Variants in CNTNAP3B observed in about 807,000 individuals in gnomAD.
CNTNAP3B encodes contactin associated protein family member 3B.
CNTNAP3B carries 25 observed loss-of-function variants against 108.9 expected under a neutral mutation model. The observed-to-expected ratio is 0.23, with a 90% CI of 0.17 to 0.32. The LOEUF (loss-of-function observed/expected upper bound fraction) is 0.32, where lower values mean the gene tolerates loss of function less well. Among genes scored for constraint, CNTNAP3B ranks in the 10% least tolerant of loss-of-function variants. The pLI is 1.00. For missense variants in CNTNAP3B, 252 were observed against 1,210.4 expected (o/e 0.21, Z 11.75); for synonymous variants, 103 against 473.4 (o/e 0.22, Z 10.16).
At chr9:41,968,042 A>G (rs1449993303) in intron 10 of CNTNAP3B, among the ~76,000 whole-genome samples, 1 of 152,248 alleles carries the variant, frequency 6.6e-6, no homozygotes, top group East Asian at 1.9e-4. Context: ...TAAGGTTAAA[A>G]CAAAACAGCC....
At chr9:41,968,422 T>C (rs1825346531) in intron 10 of CNTNAP3B, among the ~76,000 whole-genome samples, 1 of 140,370 alleles carries the variant, frequency 7.1e-6, no homozygotes, top group African/African-American at 2.8e-5. Flanking sequence ...AGTGTGGTTC[T>C]GGAGCTGGTG....
At position 42,112,205 on chromosome 9, in the gene CNTNAP3B, G is replaced by C. The variant is rs775838142; in HGVS notation, c.86-7466C>G. Among the ~76,000 whole-genome samples, 177 of 140,148 alleles carry C rather than the reference G, an allele frequency of 1.3e-3. 30 individuals are homozygous for C. Among genetic ancestry groups the C allele is most frequent in the Non-Finnish European group, 2.3e-3 (152 of 65,150 alleles). 91.9% of individuals were successfully genotyped at this position (140,148 alleles called of 152,430 possible). On this transcript the variant is annotated intron_variant, in intron 1 of 23. Coordinates refer to ENST00000377561, the MANE Select transcript of CNTNAP3B (RefSeq NM_001201380.3). ...ACATTGCAGCCCCTGCTGTCTGCGA[G>C]TTCCCATCACTTATTATCTTCAGGG...
At chr9:41,916,126 A>G (rs1028575334) in intron 18 of CNTNAP3B, among the ~76,000 whole-genome samples, 7 of 146,784 alleles carry the variant, frequency 4.8e-5, no homozygotes, top group Non-Finnish European at 1.1e-4. Flanking sequence ...GACTTTGTCT[A>G]TAAACTCTCT....
In CNTNAP3B at chr9:42,030,748, T is replaced by C. The variant is rs866557980; in HGVS notation, c.391-17223A>G. ...CCCGGAGAAGGGAGTGAGAAAGAGA[T>C]ACAGAGAGAGAGAGAGAGAGAGAGA... On this transcript the variant is annotated intron_variant, in intron 3 of 23. Transcript: ENST00000377561. Among the ~76,000 whole-genome samples, 3 of 7,280 alleles carry C rather than the reference T, an allele frequency of 4.1e-4. No individual in the cohort carries two copies. The East Asian group carries it at 0.011, about 26-fold the overall frequency. 4.8% of individuals were successfully genotyped at this position (7,280 alleles called of 152,430 possible). A position where few individuals can be genotyped will look rare whatever the true frequency, so the allele number is the denominator to read the frequency against.
At chr9:41,922,004 T>G (rs1823682428) in intron 17 of CNTNAP3B, among the ~76,000 whole-genome samples, 1 of 146,222 alleles carries the variant, frequency 6.8e-6, no homozygotes, top group Non-Finnish European at 1.5e-5. Context: ...TCACTAATAG[T>G]GTTGATAAAA....
intron 13 of CNTNAP3B, among the ~76,000 whole-genome samples, chr9:41,944,562 T>G (rs1243138171): frequency 6.6e-6 from 1 of 152,212 alleles, no homozygotes; most frequent in Non-Finnish European, 1.5e-5. Context: ...CTAGGAGAAG[T>G]GAGGATATGG....
intron 1 of CNTNAP3B, among the ~76,000 whole-genome samples, chr9:42,119,574 A>G (rs1429958488): frequency 7.7e-6 from 1 of 130,076 alleles, no homozygotes; most frequent in East Asian, 2.4e-4. Flanking sequence ...ACCTGACTTC[A>G]AACTATACTA....
intron 13 of CNTNAP3B, among the ~76,000 whole-genome samples, chr9:41,950,666 A>G (rs1351433535): frequency 1.3e-5 from 2 of 151,292 alleles, no homozygotes; most frequent in African/African-American, 2.4e-5. Context: ...TTTACATAAC[A>G]TTCTTGAAGT....
intron 14 of CNTNAP3B, among the ~76,000 whole-genome samples, chr9:41,936,323 TA>T (rs1302541786): frequency 2.0e-5 from 3 of 151,262 alleles, no homozygotes; most frequent in African/African-American, 4.8e-5. Flanking sequence ...AACTAAGTTA[TA>T]AAGCCACTAG....
intron 15 of CNTNAP3B, among the ~76,000 whole-genome samples, chr9:41,926,194 CA>C (rs1434815174): frequency 6.6e-6 from 1 of 152,290 alleles, no homozygotes; most frequent in African/African-American, 2.4e-5. Flanking sequence ...ACTCTTTCCT[CA>C]GTGAGGTCAC....
chr9:41,943,345 A>ATTTTTTTTTTTTTTTTTTTTTTTTTT (rs1165684239), intron 13 of CNTNAP3B, among the ~76,000 whole-genome samples: 2 of 132,560 alleles, frequency 1.5e-5, no homozygotes, highest in African/African-American at 5.8e-5. Context: ...TTGGACAATA[A>ATTTTTTTTTTTTTTTTTTTTTTTTTT]TTTTTTTTTT....
intron 11 of CNTNAP3B, among the ~76,000 whole-genome samples, chr9:41,962,720 C>T (rs1335098105): frequency 6.7e-6 from 1 of 149,928 alleles, no homozygotes; most frequent in Non-Finnish European, 1.5e-5. Context: ...CTTCGGGAGT[C>T]CAAGGCAGGT....
At chr9:42,054,511 T>G (rs1185696455) in intron 3 of CNTNAP3B, among the ~76,000 whole-genome samples, 2 of 151,850 alleles carry the variant, frequency 1.3e-5, no homozygotes, top group African/African-American at 4.9e-5. Context: ...CTCACAGGTG[T>G]TGAGCACCTT....
Position 42,073,730 on chromosome 9 carries a change from C to A in CNTNAP3B, c.390+3139G>T, listed in dbSNP as rs1399736754. ...TAACTATGACTCAGCTCACATTTCC[C>A]AAGAGTATATTACTAACCTCTACCA... On this transcript the variant is annotated intron_variant, in intron 3 of 23. Coordinates refer to ENST00000377561, the MANE Select transcript of CNTNAP3B (RefSeq NM_001201380.3). 4.7e-4 allele frequency among the ~76,000 whole-genome samples: 58 copies of A among 122,590 alleles called. No homozygotes were observed. In the South Asian group the frequency reaches 0.016, roughly 33 times the overall value. The allele number at this position is 122,590 out of a possible 152,430, so 80.4% of individuals were successfully genotyped here. A position where few individuals can be genotyped will look rare whatever the true frequency, so the allele number is the denominator to read the frequency against.
intron 3 of CNTNAP3B, among the ~76,000 whole-genome samples, chr9:42,055,376 C>G (rs568156536): frequency 7.1e-6 from 1 of 140,312 alleles, no homozygotes; most frequent in Admixed American, 7.2e-5. Flanking sequence ...AGAAAAATAT[C>G]TTGAAGTTCA....
At chr9:42,081,679 AG>A (rs1205640685) in intron 2 of CNTNAP3B, among the ~76,000 whole-genome samples, 1 of 78,488 alleles carries the variant, frequency 1.3e-5, no homozygotes, top group Non-Finnish European at 2.4e-5. Context: ...TCAATCACTT[AG>A]TACTTTTTGG....
chr9:42,107,907 G>A (rs1395067958), intron 1 of CNTNAP3B, among the ~76,000 whole-genome samples: 13 of 126,858 alleles, frequency 1.0e-4, no homozygotes, highest in Admixed American at 8.0e-4. Flanking sequence ...CCTGGGAGGA[G>A]GAGGTTGCAG....
intron 13 of CNTNAP3B, among the ~76,000 whole-genome samples, chr9:41,950,747 C>CTTTTTT (rs1196034038): frequency 3.2e-5 from 3 of 92,416 alleles, no homozygotes; most frequent in Non-Finnish European, 6.1e-5. Context: ...AGGAGGAATT[C>CTTTTTT]TTTTTTTTTT....
rs529447423 is a variant in CNTNAP3B, at chr9:41,957,974, G to A, written c.1876+2799C>T. ...AGACAGGGTTTCACAGTGTTAGCCA[G>A]GATGGTCTCGATCTCCTGACCTCGT... On this transcript the variant is annotated intron_variant, in intron 12 of 23. Coordinates refer to ENST00000377561, the MANE Select transcript of CNTNAP3B (RefSeq NM_001201380.3). 3.3e-5 allele frequency among the ~76,000 whole-genome samples: 5 copies of A among 152,372 alleles called. No individual in the cohort carries two copies. The East Asian group carries it at 9.6e-4, about 29-fold the overall frequency.
Sources: allele counts gnomAD v4.1 joint callset (sites outside exome capture counted in the v4.1 genomes callset), GRCh38; gene constraint gnomAD v4.1.1; transcripts MANE v1.5; gene names NCBI Gene and HGNC (gene_info 2026-07-23, HGNC 2026-07-21).